COMMD10: variants seen among roughly 807,000 people sequenced by gnomAD.
The protein encoded by COMMD10 is COMM domain-containing protein 10.
COMMD10 carries 33 observed loss-of-function variants against 28.9 expected under a neutral mutation model. The ratio of observed to expected loss-of-function variants is 1.14; its 90% confidence interval spans 0.87 to 1.53. The LOEUF is 1.53. Among genes scored for constraint, COMMD10 ranks in the 40% most tolerant of loss-of-function variants. The probability of loss-of-function intolerance (pLI) is 0.00; values close to 1 mark genes in which losing one functional copy is unlikely to be tolerated. For synonymous variants in COMMD10, 110 were observed against 81.7 expected, an observed-to-expected ratio of 1.35 and a Z score of -1.87; for missense variants, 310 against 233.4, an observed-to-expected ratio of 1.33 and a Z score of -2.14.
At chr5:116,148,972 G>A (rs1752427390) in intron 5 of COMMD10, among the ~76,000 whole-genome samples, 1 of 150,546 alleles carries the variant, frequency 6.6e-6, no homozygotes, top group Non-Finnish European at 1.5e-5. Context: ...TGTAGCATTA[G>A]GTATATCTCC....
chr5:116,186,169 C>T (rs1748129836), intron 5 of COMMD10, among the ~76,000 whole-genome samples: 1 of 152,120 alleles, frequency 6.6e-6, no homozygotes. Context: ...AATTAATCAA[C>T]TTATTGGTTC....
At chr5:116,112,235 T>C (rs1751068849) in intron 4 of COMMD10, among the ~76,000 whole-genome samples, 1 of 152,208 alleles carries the variant, frequency 6.6e-6, no homozygotes. Flanking sequence ...TTTTACTATT[T>C]TTATTTTAAA....
At chr5:116,215,400 A>C (rs1749068598) in intron 5 of COMMD10, among the ~76,000 whole-genome samples, 2 of 152,058 alleles carry the variant, frequency 1.3e-5, no homozygotes, top group South Asian at 2.1e-4. Context: ...TAGCTTTTAT[A>C]AAATTTGAAA....
chr5:116,157,605 A>T lies in COMMD10; in HGVS notation c.510+23427A>T, dbSNP rs149929153. Among the ~76,000 whole-genome samples, 414 of 152,296 alleles carry T rather than the reference A, an allele frequency of 2.7e-3. 6 individuals are homozygous for T. Among genetic ancestry groups the T allele is most frequent in the Middle Eastern group, 0.014 (4 of 294 alleles). ...TATTTTCATCATATTCTGTTGGCCA[A>T]AGGAATTTGAAAGAATAGGCCAGAT... On this transcript the variant is annotated intron_variant, in intron 5 of 6. Coordinates refer to ENST00000274458, the MANE Select transcript of COMMD10 (RefSeq NM_016144.4).
chr5:116,135,150 C>G (rs1751990193), intron 5 of COMMD10, among the ~76,000 whole-genome samples: 1 of 151,986 alleles, frequency 6.6e-6, no homozygotes, highest in Non-Finnish European at 1.5e-5. Context: ...GTAGATAAGA[C>G]TATCTCATCT....
At chr5:116,250,319 G>A (rs1750073455) in intron 5 of COMMD10, among the ~76,000 whole-genome samples, 1 of 151,518 alleles carries the variant, frequency 6.6e-6, no homozygotes, top group Admixed American at 6.6e-5. Context: ...TATCTTTCAG[G>A]TATAATTTTC....
chr5:116,141,847 C>T (rs756563784), intron 5 of COMMD10, among the ~76,000 whole-genome samples: 1 of 151,786 alleles, frequency 6.6e-6, no homozygotes, highest in African/African-American at 2.4e-5. Flanking sequence ...TTTATTTGTT[C>T]ATTTAACTTT....
chr5:116,148,043 AAATAT>A (rs1258030484), intron 5 of COMMD10, among the ~76,000 whole-genome samples: 1 of 151,776 alleles, frequency 6.6e-6, no homozygotes, highest in African/African-American at 2.4e-5. Context: ...TTTTTTTGGT[AAATAT>A]AATTTATTTA....
chr5:116,115,744 C>G (rs759503794), intron 4 of COMMD10, among the ~76,000 whole-genome samples: 12 of 151,860 alleles, frequency 7.9e-5, no homozygotes, highest in Non-Finnish European at 1.3e-4. Context: ...ACTGACATGT[C>G]AAATGTTTTT....
intron 5 of COMMD10, among the ~76,000 whole-genome samples, chr5:116,200,018 T>G (rs1370308290): frequency 6.6e-6 from 1 of 152,174 alleles, no homozygotes; most frequent in African/African-American, 2.4e-5. Context: ...TATATATTAA[T>G]GGGGTACTTG....
intron 6 of COMMD10, among the ~76,000 whole-genome samples, chr5:116,292,194 GACACTTAAAACAAC>G (rs1580367480): frequency 6.6e-6 from 1 of 151,568 alleles, no homozygotes; most frequent in East Asian, 1.9e-4. Flanking sequence ...AACAGCTGAA[GACACTTAAAACAAC>G]AGTATTAAGA....
chr5:116,238,758 G>T (rs1205587923), intron 5 of COMMD10, among the ~76,000 whole-genome samples: 1 of 152,180 alleles, frequency 6.6e-6, no homozygotes. Context: ...CCCAGGGAAT[G>T]ATTCCAGCAA....
Position 116,118,752 on chromosome 5 carries a change from G to C in COMMD10, c.400-15316G>C, listed in dbSNP as rs1156756319. On this transcript the variant is annotated intron_variant, in intron 4 of 6. Transcript: ENST00000274458. ...GGTTGAAACAGATGGAAATTCTCCA[G>C]GAAAAAAAAAAAGTGATGGACTTAG... is the stretch of plus-strand genomic sequence containing the variant. 2.9e-5 allele frequency among the ~76,000 whole-genome samples: 3 copies of C among 104,788 alleles called. No homozygotes were observed. In the East Asian group the frequency reaches 7.1e-4, roughly 25 times the overall value. 68.7% of individuals were successfully genotyped at this position (104,788 alleles called of 152,430 possible). A position where few individuals can be genotyped will look rare whatever the true frequency, so the allele number is the denominator to read the frequency against.
rs906354601 is a variant in COMMD10, at chr5:116,148,318, A to G, written c.510+14140A>G. Among the ~76,000 whole-genome samples, 4 of 152,018 alleles carry G rather than the reference A, an allele frequency of 2.6e-5. No homozygotes were observed. The South Asian group carries it at 6.2e-4, about 24-fold the overall frequency. On this transcript the variant is annotated intron_variant, in intron 5 of 6. Coordinates refer to ENST00000274458, the MANE Select transcript of COMMD10 (RefSeq NM_016144.4). ...TGTTAATTCATGAGGTTTCTAAACCATGAGATTTTGCTCCTTCCCTTTCTT... is the reference window on the plus strand; with the variant it reads ...TGTTAATTCATGAGGTTTCTAAACCGTGAGATTTTGCTCCTTCCCTTTCTT...
intron 5 of COMMD10, among the ~76,000 whole-genome samples, chr5:116,136,236 A>G (rs1004562409): frequency 2.6e-5 from 4 of 152,156 alleles, no homozygotes; most frequent in Non-Finnish European, 4.4e-5. Context: ...GAGGGGAAAA[A>G]GAGCCTGAAA....
At chr5:116,259,224 G>A (rs1750373874) in intron 5 of COMMD10, among the ~76,000 whole-genome samples, 1 of 151,032 alleles carries the variant, frequency 6.6e-6, no homozygotes, top group African/African-American at 2.4e-5. Context: ...CACCATGCCT[G>A]GCCAATTTTT....
At chr5:116,257,132 G>C (rs533716265) in intron 5 of COMMD10, among the ~76,000 whole-genome samples, 4 of 151,694 alleles carry the variant, frequency 2.6e-5, no homozygotes, top group Non-Finnish European at 4.4e-5. Flanking sequence ...GGGTCCTCTA[G>C]GGATGAGGAG....
At chr5:116,187,748 T>C (rs1580533076) in intron 5 of COMMD10, among the ~76,000 whole-genome samples, 1 of 152,320 alleles carries the variant, frequency 6.6e-6, no homozygotes, top group East Asian at 1.9e-4. Context: ...TAAATTCTTT[T>C]TTTAACCAAA....
At chr5:116,243,511 AAT>A (rs1239578400) in intron 5 of COMMD10, among the ~76,000 whole-genome samples, 3 of 152,300 alleles carry the variant, frequency 2.0e-5, no homozygotes, top group Admixed American at 6.5e-5. Context: ...GACTTTGGAG[AAT>A]ATGATTCTCC....
Sources: gnomAD v4.1 joint callset for allele counts (sites outside exome capture counted in the v4.1 genomes callset) on GRCh38, gnomAD v4.1.1 for gene constraint, MANE v1.5 for transcripts, NCBI Gene and HGNC (gene_info 2026-07-23, HGNC 2026-07-21) for gene names.